Variants in RARB observed in about 807,000 individuals in gnomAD.
RARB encodes the protein HBV-activated protein.
Under a neutral mutation model 51.9 loss-of-function variants are expected in RARB, and 17 were observed. That is an observed-to-expected ratio of 0.33 (90% CI 0.22 to 0.49). The LOEUF (loss-of-function observed/expected upper bound fraction) is 0.49, where lower values mean the gene tolerates loss of function less well. Among genes scored for constraint, RARB ranks in the 20% least tolerant of loss-of-function variants. RARB has a pLI of 0.99. For missense variants in RARB, 369 were observed against 550.8 expected (o/e 0.67, Z 3.30); for synonymous variants, 215 against 195.4 (o/e 1.10, Z -0.84).
intron 2 of RARB, among the ~76,000 whole-genome samples, chr3:25,474,466 T>C (rs540717364): frequency 6.6e-6 from 1 of 152,308 alleles, no homozygotes; most frequent in Admixed American, 6.5e-5. Context: ...TGGTATTTTT[T>C]TTTATTTTTC....
At chr3:25,191,642 A>G (rs1466009297) in intron 5 of RARB, among the ~76,000 whole-genome samples, 1 of 152,174 alleles carries the variant, frequency 6.6e-6, no homozygotes, top group African/African-American at 2.4e-5. Context: ...AAGCTGGGCA[A>G]TAACTAAGTA....
intron 3 of RARB, among the ~76,000 whole-genome samples, chr3:25,526,112 G>C (rs1187500905): frequency 6.6e-6 from 1 of 152,232 alleles, no homozygotes; most frequent in Admixed American, 6.5e-5. Context: ...GAAGCCTCAT[G>C]GAGGAGGTGT....
intron 3 of RARB, among the ~76,000 whole-genome samples, chr3:25,094,813 G>T (rs1008998727): frequency 6.6e-6 from 1 of 151,106 alleles, no homozygotes; most frequent in African/African-American, 2.4e-5. Context: ...TTCTGATGTA[G>T]GTTGTCTTGT....
Position 25,596,943 on chromosome 3 carries a change from T to G in RARB, c.*327T>G, listed in dbSNP as rs961512913. The G allele has an allele frequency of 4.7e-6, 1 of 211,498 alleles. No individual in the cohort carries two copies. Among genetic ancestry groups the G allele is most frequent in the Admixed American group, 5.2e-5 (1 of 19,112 alleles). 13.1% of individuals were successfully genotyped at this position (211,498 alleles called of 1,614,324 possible). On this transcript the variant is annotated 3_prime_UTR_variant, in exon 8 of 8. Transcript: ENST00000330688. ...TACCCCTGGTTAAGTTTCTGAAGAC[T>G]TTGTACATACAGAAGTATGGCTCTG... is the stretch of plus-strand genomic sequence containing the variant.
At chr3:24,897,408 C>A (rs989444217) in intron 2 of RARB, among the ~76,000 whole-genome samples, 2 of 152,160 alleles carry the variant, frequency 1.3e-5, no homozygotes, top group Non-Finnish European at 2.9e-5. Context: ...GTCTGAATTA[C>A]ACTTTTGCAA....
At chr3:25,176,695 T>G (rs766893196) in intron 5 of RARB, among the ~76,000 whole-genome samples, 7 of 152,172 alleles carry the variant, frequency 4.6e-5, no homozygotes, top group African/African-American at 1.7e-4. Flanking sequence ...TGCCCGGTCT[T>G]GGCTACTACT....
At chr3:25,095,861 T>G (rs143796953) in intron 3 of RARB, among the ~76,000 whole-genome samples, 1 of 152,342 alleles carries the variant, frequency 6.6e-6, no homozygotes, top group East Asian at 1.9e-4. Flanking sequence ...TGGTGATGTC[T>G]TCTTAACTGC....
intron 5 of RARB, among the ~76,000 whole-genome samples, chr3:25,583,755 G>C (rs982039032): frequency 2.0e-5 from 3 of 152,340 alleles, no homozygotes; most frequent in African/African-American, 7.2e-5. Context: ...ACGAGGTTGG[G>C]TCCAGAAGAT....
At chr3:25,535,412 T>TC (rs1699099720) in intron 3 of RARB, among the ~76,000 whole-genome samples, 1 of 76,374 alleles carries the variant, frequency 1.3e-5, no homozygotes, top group African/African-American at 6.8e-5. Context: ...TCCTTATCTC[T>TC]TTTTTTTTTT....
Position 25,153,135 on chromosome 3 carries a change from A to AGTGTGT in RARB, c.-280+20947_-280+20952dup, listed in dbSNP as rs59786696. On this transcript the variant is annotated intron_variant, in intron 4 of 11. Coordinates refer to the RARB transcript ENST00000383772. ...CAAACCAACCAAGTAATAGAGGCAG[A>AGTGTGT]GTGTGTGTGTGTGTGTGTGTGTGTG... is the stretch of plus-strand genomic sequence containing the variant. Among the ~76,000 whole-genome samples, 1,193 of 149,616 alleles carry AGTGTGT rather than the reference A, an allele frequency of 8.0e-3. 7 individuals are homozygous for AGTGTGT. The highest frequency in any genetic ancestry group is 0.015 in the South Asian group (71 of 4,726).
At chr3:25,176,297 C>CT (rs1420923949) in intron 5 of RARB, among the ~76,000 whole-genome samples, 1 of 17,052 alleles carries the variant, frequency 5.9e-5, no homozygotes, top group Non-Finnish European at 1.4e-4. Context: ...TTTATCTTTT[C>CT]TTTCTTTCTT....
intron 5 of RARB, among the ~76,000 whole-genome samples, chr3:25,338,133 A>G: frequency 6.8e-6 from 1 of 147,826 alleles, no homozygotes. Context: ...ACACACACAC[A>G]CAGAATTAAG....
chr3:25,408,431 C>G (rs903416848), intron 5 of RARB, among the ~76,000 whole-genome samples: 1 of 152,018 alleles, frequency 6.6e-6, no homozygotes, highest in Non-Finnish European at 1.5e-5. Flanking sequence ...CTTTTGAACT[C>G]TCAGATCTCA....
rs144186638 is a variant in RARB at position 25,407,975 on chromosome 3, G to A, written c.179-53218G>A. 4.5e-3 allele frequency among the ~76,000 whole-genome samples: 678 copies of A among 152,216 alleles called. 4 individuals carry two copies. The highest frequency in any genetic ancestry group is 0.015 in the African/African-American group (642 of 41,518). ...AACTCCAGTTGCCCACAGCGGTAAC[G>A]TCTCAATAACACATCTTTTATTGCC... is the stretch of plus-strand genomic sequence containing the variant. On this transcript the variant is annotated intron_variant, in intron 5 of 11. Coordinates refer to the RARB transcript ENST00000383772.
At chr3:25,555,628 C>T (rs976621794) in intron 3 of RARB, 1 of 152,142 alleles carries the variant, frequency 6.6e-6, no homozygotes, top group African/African-American at 2.4e-5. Context: ...GAATTGACTG[C>T]ACGCAGCCTA....
At chr3:25,011,704 G>C (rs1439948345) in intron 2 of RARB, among the ~76,000 whole-genome samples, 1 of 152,014 alleles carries the variant, frequency 6.6e-6, no homozygotes, top group Non-Finnish European at 1.5e-5. Flanking sequence ...ACCTACTCTG[G>C]CAATTACTGG....
chr3:25,495,915 C>G (rs1697003310), intron 2 of RARB, among the ~76,000 whole-genome samples: 1 of 152,148 alleles, frequency 6.6e-6, no homozygotes, highest in Non-Finnish European at 1.5e-5. Flanking sequence ...CGTGATTAGC[C>G]AGCAGAAGCT....
intron 3 of RARB, among the ~76,000 whole-genome samples, chr3:25,564,352 C>T (rs569596661): frequency 6.6e-6 from 1 of 152,332 alleles, no homozygotes; most frequent in Non-Finnish European, 1.5e-5. Flanking sequence ...TTATGGAGCA[C>T]CTTTCATCCA....
intron 1 of RARB, among the ~76,000 whole-genome samples, chr3:25,460,689 C>A (rs1157280121): frequency 6.6e-6 from 1 of 152,038 alleles, no homozygotes; most frequent in Non-Finnish European, 1.5e-5. Flanking sequence ...CTCAGGTGAT[C>A]CCCCTGCCTC....
Sources: gnomAD v4.1 joint callset for allele counts (sites outside exome capture counted in the v4.1 genomes callset) on GRCh38, gnomAD v4.1.1 for gene constraint, MANE v1.5 for transcripts, NCBI Gene and HGNC (gene_info 2026-07-23, HGNC 2026-07-21) for gene names.